DLGAP2: variants seen among roughly 807,000 people sequenced by gnomAD.
DLGAP2 encodes disks large-associated protein 2.
A neutral mutation model predicts 100.3 loss-of-function variants in DLGAP2; 26 were observed. The observed-to-expected ratio is 0.26, with a 90% CI of 0.19 to 0.36. DLGAP2 has a LOEUF of 0.36. Ranked by LOEUF, DLGAP2 falls within the 10% of genes least tolerant of loss-of-function variation. The pLI, the probability that DLGAP2 is intolerant of heterozygous loss-of-function variation, is 1.00. For missense variants in DLGAP2, 1,858 were observed against 1,453.2 expected (o/e 1.28, Z -4.53); for synonymous variants, 886 against 630.1 (o/e 1.41, Z -6.08).
intron 3 of DLGAP2, among the ~76,000 whole-genome samples, chr8:1,341,213 A>C (rs924372132): frequency 6.6e-6 from 1 of 152,220 alleles, no homozygotes; most frequent in African/African-American, 2.4e-5. Context: ...ACACCTGCGC[A>C]TGGACCCCTG....
intron 2 of DLGAP2, among the ~76,000 whole-genome samples, chr8:1,056,458 A>T (rs1802886358): frequency 6.6e-6 from 1 of 151,672 alleles, no homozygotes; most frequent in Admixed American, 6.6e-5. Flanking sequence ...ACTTTTTTTC[A>T]TGTTTTGGAA....
intron 1 of DLGAP2, among the ~76,000 whole-genome samples, chr8:819,783 A>G (rs369538228): frequency 1.3e-5 from 2 of 152,234 alleles, no homozygotes; most frequent in South Asian, 2.1e-4. Flanking sequence ...TACGTAAAAC[A>G]TCATCAAGTA....
chr8:1,382,657 G>A (rs1375681632), intron 3 of DLGAP2, among the ~76,000 whole-genome samples: 1 of 152,140 alleles, frequency 6.6e-6, no homozygotes, highest in Non-Finnish European at 1.5e-5. Flanking sequence ...TGGGAAGATT[G>A]TGTAAGCCTG....
intron 1 of DLGAP2, among the ~76,000 whole-genome samples, chr8:862,281 C>T (rs1017048890): frequency 4.6e-5 from 7 of 150,648 alleles, no homozygotes; most frequent in African/African-American, 1.7e-4. Context: ...CCTGGACAGT[C>T]AGGAGGATTG....
At chr8:1,466,395 G>T (rs1798626936) in intron 3 of DLGAP2, among the ~76,000 whole-genome samples, 1 of 151,996 alleles carries the variant, frequency 6.6e-6, no homozygotes, top group South Asian at 2.1e-4. Flanking sequence ...TCCTCTTTTG[G>T]GCTGGAAATC....
chr8:1,129,613 G>A (rs1179301810), intron 2 of DLGAP2, among the ~76,000 whole-genome samples: 3 of 152,188 alleles, frequency 2.0e-5, no homozygotes, highest in African/African-American at 7.2e-5. Flanking sequence ...GAGTTTGCCA[G>A]TGTTGCCTCG....
chr8:994,895 C>T (rs1800743532), intron 2 of DLGAP2, among the ~76,000 whole-genome samples: 1 of 152,098 alleles, frequency 6.6e-6, no homozygotes, highest in South Asian at 2.1e-4. Context: ...GCTTTAATGA[C>T]CTAGGAAATA....
At chr8:1,349,366 C>A (rs1360779181) in intron 3 of DLGAP2, among the ~76,000 whole-genome samples, 1 of 150,528 alleles carries the variant, frequency 6.6e-6, no homozygotes, top group Non-Finnish European at 1.5e-5. Context: ...TCGTGAGCCT[C>A]GTGCCCACAT....
chr8:982,081 A>G (rs1800352487), intron 2 of DLGAP2, among the ~76,000 whole-genome samples: 1 of 152,222 alleles, frequency 6.6e-6, no homozygotes, highest in South Asian at 2.1e-4. Context: ...AGCATGGGAC[A>G]GGTTAGTTAG....
In DLGAP2 at chr8:895,846, G is replaced by A. The variant is rs1332252035; in HGVS notation, c.19-12066G>A. ...GGTAGGTGTGGGGCAGTGGTGAGAG[G>A]TGTCAATCCCCAGGGTTTGTTGGAT... is the stretch of plus-strand genomic sequence containing the variant. On this transcript the variant is annotated intron_variant, in intron 1 of 14. Coordinates refer to ENST00000637795, the MANE Select transcript of DLGAP2 (RefSeq NM_001346810.2). Among the ~76,000 whole-genome samples, 136 of 75,714 alleles carry A rather than the reference G, an allele frequency of 1.8e-3. 1 individual carries two copies. Among genetic ancestry groups the A allele is most frequent in the African/African-American group, 7.0e-3 (123 of 17,670 alleles). The allele number at this position is 75,714 out of a possible 152,430, so 49.7% of individuals were successfully genotyped here.
chr8:1,070,641 G>C (rs1295799506), intron 2 of DLGAP2, among the ~76,000 whole-genome samples: 4 of 152,148 alleles, frequency 2.6e-5, no homozygotes, highest in East Asian at 1.9e-4. Flanking sequence ...TGAAAAGTGT[G>C]AGTGTGTCTG....
intron 3 of DLGAP2, among the ~76,000 whole-genome samples, chr8:1,449,770 C>T (rs904570385): frequency 1.3e-5 from 2 of 150,680 alleles, no homozygotes; most frequent in African/African-American, 5.0e-5. Flanking sequence ...CACCAAGGGC[C>T]GCAGAGAAGG....
chr8:1,429,200 G>T (rs137996239), intron 3 of DLGAP2, among the ~76,000 whole-genome samples: 213 of 152,274 alleles, frequency 1.4e-3, no homozygotes, highest in African/African-American at 4.7e-3. Context: ...CTACTTAGAG[G>T]TCAGTTGGCA....
chr8:1,484,064 G>C (rs1799177081), intron 3 of DLGAP2, among the ~76,000 whole-genome samples: 1 of 152,214 alleles, frequency 6.6e-6, no homozygotes, highest in Non-Finnish European at 1.5e-5. Context: ...GGAGGCAGCT[G>C]GAAGGAAGAA....
intron 3 of DLGAP2, among the ~76,000 whole-genome samples, chr8:1,346,939 C>G (rs954875223): frequency 1.3e-5 from 2 of 151,476 alleles, no homozygotes; most frequent in African/African-American, 4.9e-5. Flanking sequence ...CTGCATTGCT[C>G]TCATGGTAGC....
chr8:1,028,384 A>T (rs977959173), intron 2 of DLGAP2, among the ~76,000 whole-genome samples: 1 of 144,792 alleles, frequency 6.9e-6, no homozygotes, highest in African/African-American at 2.6e-5. Context: ...GGCACCCGTT[A>T]TTCTCCAGGT....
intron 4 of DLGAP2, among the ~76,000 whole-genome samples, chr8:1,520,784 A>T (rs908436983): frequency 1.3e-5 from 2 of 152,146 alleles, no homozygotes; most frequent in African/African-American, 2.4e-5. Flanking sequence ...ACATCTTCCA[A>T]GTTTGGGCAA....
At chr8:1,113,992 A>G (rs575015712) in intron 2 of DLGAP2, among the ~76,000 whole-genome samples, 33 of 152,316 alleles carry the variant, frequency 2.2e-4, no homozygotes, top group African/African-American at 7.2e-4. Flanking sequence ...TATGTGATGA[A>G]TCACATTGAT....
intron 5 of DLGAP2, among the ~76,000 whole-genome samples, chr8:1,552,910 G>A (rs566259093): frequency 6.6e-6 from 1 of 152,162 alleles, no homozygotes; most frequent in Non-Finnish European, 1.5e-5. Context: ...CTTTCACAAA[G>A]CTCTTGTTTT....
Sources: allele counts gnomAD v4.1 joint callset (sites outside exome capture counted in the v4.1 genomes callset), GRCh38; gene constraint gnomAD v4.1.1; transcripts MANE v1.5; gene names NCBI Gene and HGNC (gene_info 2026-07-23, HGNC 2026-07-21).